Variants in COP1 observed in about 807,000 individuals in gnomAD.
COP1 encodes the protein E3 ubiquitin-protein ligase COP1.
In COP1, 24 loss-of-function variants were observed where a neutral mutation model predicts 101.3. The observed-to-expected ratio is 0.24, with a 90% CI of 0.17 to 0.33. COP1 has a LOEUF of 0.33. Ranked by LOEUF, COP1 falls within the 10% of genes least tolerant of loss-of-function variation. COP1 has a pLI of 1.00. For synonymous variants in COP1, 347 were observed against 341.9 expected (o/e 1.01, Z -0.17); for missense variants, 663 against 906.2 (o/e 0.73, Z 3.45).
chr1:176,086,050 T>A (rs905837070), intron 9 of COP1, among the ~76,000 whole-genome samples, 160 bp from the exon 10 acceptor site: 1 of 152,140 alleles, frequency 6.6e-6, no homozygotes, highest in Admixed American at 6.6e-5. Context: ...AATTTATCTT[T>A]TAACATGAAA....
chr1:176,087,426 C>A (rs949747527), intron 9 of COP1, among the ~76,000 whole-genome samples: 4 of 152,042 alleles, frequency 2.6e-5, no homozygotes, highest in African/African-American at 9.7e-5. Flanking sequence ...AAATCAACCC[C>A]ATCAAAAAGT....
chr1:175,952,978 T>C (rs1650137818), intron 18 of COP1, among the ~76,000 whole-genome samples: 1 of 152,182 alleles, frequency 6.6e-6, no homozygotes, highest in Admixed American at 6.5e-5. Flanking sequence ...ATATAAAAGA[T>C]ATTTGATTTC....
intron 15 of COP1, among the ~76,000 whole-genome samples, chr1:176,014,634 C>CT (rs1665294488): frequency 6.6e-6 from 1 of 152,106 alleles, no homozygotes; most frequent in Non-Finnish European, 1.5e-5. Flanking sequence ...CTTCACCTTA[C>CT]TTATCACTCT....
Position 176,191,629 on chromosome 1 carries a change from A to C in COP1, c.408-6937T>G, listed in dbSNP as rs549218788. On this transcript the variant is annotated intron_variant, in intron 1 of 19. Transcript: ENST00000367669. Reference sequence around the variant, plus strand: ...AAACCTCAAACTCTTCTTTACACCTATACCGATAACACTAGATCCTCTGAA... The same window carrying C: ...AAACCTCAAACTCTTCTTTACACCTCTACCGATAACACTAGATCCTCTGAA... 5.9e-5 allele frequency among the ~76,000 whole-genome samples: 9 copies of C among 152,214 alleles called. No homozygotes were observed. The South Asian group carries it at 1.9e-3, about 32-fold the overall frequency.
chr1:176,013,948 C>T (rs767471093), intron 15 of COP1, among the ~76,000 whole-genome samples: 1 of 152,110 alleles, frequency 6.6e-6, no homozygotes, highest in Non-Finnish European at 1.5e-5. Context: ...ATTTTATAAT[C>T]ATTGATTAAG....
rs192123490 is a variant in COP1, at chr1:175,948,256, T to A, written c.2134-1017A>T. 2.2e-4 allele frequency among the ~76,000 whole-genome samples: 34 copies of A among 152,320 alleles called. No homozygotes were observed. The East Asian group carries it at 6.0e-3, about 27-fold the overall frequency. On this transcript the variant is annotated intron_variant, in intron 18 of 19. Coordinates refer to ENST00000367669, the MANE Select transcript of COP1 (RefSeq NM_022457.7). ...TCAGAAAGTAGGAAGAATGGAGACA[T>A]GCCTCCTGTAGGAAACTGGGCATCT...
Position 176,187,924 on chromosome 1 carries a change from G to A in COP1, c.408-3232C>T, listed in dbSNP as rs143704693. 4.3e-3 allele frequency among the ~76,000 whole-genome samples: 655 copies of A among 152,028 alleles called. 6 individuals are homozygous for A. Among genetic ancestry groups the A allele is most frequent in the African/African-American group, 0.015 (615 of 41,468 alleles). On this transcript the variant is annotated intron_variant, in intron 1 of 19. Transcript: ENST00000367669. ...GGTGGTGTTAAAACATGGGCCTTTG[G>A]GAGATTTTTAGGTCATGAGGGCAGA... is the stretch of plus-strand genomic sequence containing the variant.
At chr1:175,981,892 A>T (rs938408359) in intron 18 of COP1, among the ~76,000 whole-genome samples, 1 of 152,230 alleles carries the variant, frequency 6.6e-6, no homozygotes, top group African/African-American at 2.4e-5. Flanking sequence ...AAAATGCTCA[A>T]TATCATTAAT....
intron 3 of COP1, among the ~76,000 whole-genome samples, chr1:176,174,007 A>AAAAAAAAGAG (rs1456552067): frequency 2.1e-4 from 25 of 121,916 alleles, no homozygotes; most frequent in Middle Eastern, 3.9e-3. Flanking sequence ...AAAAAAAAAA[A>AAAAAAAAGAG]AGAGAATATA....
At chr1:176,179,583 A>C (rs1697458623) in intron 2 of COP1, among the ~76,000 whole-genome samples, 1 of 151,836 alleles carries the variant, frequency 6.6e-6, no homozygotes, top group South Asian at 2.1e-4. Context: ...AAATTTTAAA[A>C]ATTAGCCATG....
intron 18 of COP1, among the ~76,000 whole-genome samples, chr1:175,970,547 A>T (rs1040805359): frequency 6.6e-6 from 1 of 152,166 alleles, no homozygotes; most frequent in Non-Finnish European, 1.5e-5. Context: ...AGCAGTTAAG[A>T]AGTAGATATA....
intron 9 of COP1, among the ~76,000 whole-genome samples, chr1:176,105,220 T>C (rs1405087798): frequency 2.0e-5 from 3 of 152,168 alleles, no homozygotes; most frequent in East Asian, 1.9e-4. Context: ...TAACTTTTTA[T>C]ACAGCTCTGA....
chr1:176,079,207 A>C (rs1213308349), intron 11 of COP1, among the ~76,000 whole-genome samples: 2 of 152,206 alleles, frequency 1.3e-5, no homozygotes, highest in Non-Finnish European at 2.9e-5. Context: ...CTGCAGAGCT[A>C]TTCACAGTAA....
rs147178772 is a variant in COP1, at chr1:176,193,972, C to T, written c.408-9280G>A. ...ACCTCATTTTTTTAAACAAAAGGAA[C>T]AGAGAACTAACACTTTTGACAACAA... On this transcript the variant is annotated intron_variant, in intron 1 of 19. Transcript: ENST00000367669. Among the ~76,000 whole-genome samples, 399 of 152,154 alleles carry T rather than the reference C, an allele frequency of 2.6e-3. 3 individuals carry two copies. Among genetic ancestry groups the T allele is most frequent in the African/African-American group, 9.2e-3 (381 of 41,502 alleles).
chr1:176,151,825 T>C (rs1228899388), intron 5 of COP1, among the ~76,000 whole-genome samples: 2 of 152,184 alleles, frequency 1.3e-5, no homozygotes, highest in Non-Finnish European at 1.5e-5. Context: ...GTAACTGATT[T>C]TTAAATATTT....
chr1:175,977,069 A>G (rs1438311869), intron 18 of COP1, among the ~76,000 whole-genome samples: 2 of 152,202 alleles, frequency 1.3e-5, no homozygotes, highest in African/African-American at 2.4e-5. Context: ...TCAGATATTT[A>G]GGATTTAAAA....
chr1:175,992,020 T>C (rs768357662), intron 15 of COP1, among the ~76,000 whole-genome samples: 15 of 152,256 alleles, frequency 9.9e-5, no homozygotes, highest in Non-Finnish European at 1.9e-4. Flanking sequence ...AGTTATTTAT[T>C]ATCTTTATCA....
chr1:176,076,596 C>CTAG (rs745953751), intron 11 of COP1, among the ~76,000 whole-genome samples: 103 of 151,950 alleles, frequency 6.8e-4, no homozygotes, highest in Admixed American at 2.5e-3. Context: ...AATCCCAAAG[C>CTAG]TAGTAGAAGA....
At chr1:176,065,704 A>ATT (rs1203707183) in intron 11 of COP1, among the ~76,000 whole-genome samples, 16 of 114,472 alleles carry the variant, frequency 1.4e-4, no homozygotes, top group African/African-American at 4.5e-4. Context: ...GGGGATAATG[A>ATT]TTTTTTTTTT....
Sources: allele counts gnomAD v4.1 joint callset (sites outside exome capture counted in the v4.1 genomes callset), GRCh38; gene constraint gnomAD v4.1.1; transcripts MANE v1.5; gene names NCBI Gene and HGNC (gene_info 2026-07-23, HGNC 2026-07-21).